The following CENPW variants were observed in gnomAD, a reference collection of about 807,000 sequenced individuals.
The protein encoded by CENPW is cancer-up-regulated gene 2 protein.
Under a neutral mutation model 11.1 loss-of-function variants are expected in CENPW, and 3 were observed. The observed-to-expected ratio is 0.27, with a 90% confidence interval of 0.12 to 0.70. The LOEUF (loss-of-function observed/expected upper bound fraction) is 0.70, where lower values mean the gene tolerates loss of function less well. Among genes scored for constraint, CENPW ranks in the 30% least tolerant of loss-of-function variants. The pLI, the probability that CENPW is intolerant of heterozygous loss-of-function variation, is 0.77. For missense variants in CENPW, 100 were observed against 105.6 expected (o/e 0.95, Z 0.23); for synonymous variants, 38 against 42.0 (o/e 0.91, Z 0.37).
the CENPW span, among the ~76,000 whole-genome samples, chr6:126,475,864 T>C: frequency 6.6e-6 from 1 of 152,078 alleles, no homozygotes; most frequent in Non-Finnish European, 1.5e-5. Context: ...GGCATCTTTA[T>C]ACATGGAATG....
chr6:126,370,461 G>A, the CENPW span, among the ~76,000 whole-genome samples: 1 of 152,076 alleles, frequency 6.6e-6, no homozygotes, highest in African/African-American at 2.4e-5. Context: ...AGTTTTCCTT[G>A]TAGAGGTCTT....
the CENPW span, among the ~76,000 whole-genome samples, chr6:126,415,866 G>A: frequency 6.6e-6 from 1 of 152,176 alleles, no homozygotes; most frequent in Admixed American, 6.5e-5. Context: ...TCCCAGTTAT[G>A]TCTTTATTGG....
the CENPW span, among the ~76,000 whole-genome samples, chr6:126,395,149 G>C: frequency 6.6e-6 from 1 of 151,952 alleles, no homozygotes; most frequent in Non-Finnish European, 1.5e-5. Flanking sequence ...CACTCTTTAA[G>C]GGAAATAACT....
chr6:126,469,030 G>A, the CENPW span, among the ~76,000 whole-genome samples: 1 of 152,098 alleles, frequency 6.6e-6, no homozygotes, highest in Non-Finnish European at 1.5e-5. Flanking sequence ...CTGACCTCAA[G>A]TGATCCACCC....
chr6:126,342,460 C>T (rs994214736), intron 1 of CENPW, among the ~76,000 whole-genome samples: 2 of 152,058 alleles, frequency 1.3e-5, no homozygotes, highest in African/African-American at 4.8e-5. Context: ...GCTGATGTTT[C>T]CTAGTGTGGT....
the CENPW span, among the ~76,000 whole-genome samples, chr6:126,414,547 A>G: frequency 1.3e-5 from 2 of 152,142 alleles, no homozygotes; most frequent in African/African-American, 4.8e-5. Flanking sequence ...GCTCCTGAAC[A>G]ACCAATGAGT....
the CENPW span, among the ~76,000 whole-genome samples, chr6:126,470,640 A>T: frequency 1.3e-5 from 2 of 152,224 alleles, no homozygotes; most frequent in Non-Finnish European, 2.9e-5. Flanking sequence ...CATGTGGAAA[A>T]GCTGCAGACA....
chr6:126,456,751 C>T, the CENPW span, among the ~76,000 whole-genome samples: 2 of 151,672 alleles, frequency 1.3e-5, no homozygotes, highest in Non-Finnish European at 3.0e-5. Context: ...AAACTATCAA[C>T]AGAGTAAACA....
At chr6:126,437,477 G>A in the CENPW span, among the ~76,000 whole-genome samples, 5 of 151,994 alleles carry the variant, frequency 3.3e-5, no homozygotes, top group South Asian at 2.1e-4. Context: ...TCCTTGGTTG[G>A]TGGAAAGACT....
the CENPW span, among the ~76,000 whole-genome samples, chr6:126,395,078 T>C: frequency 6.6e-6 from 1 of 152,138 alleles, no homozygotes; most frequent in Non-Finnish European, 1.5e-5. Context: ...CTGATATCTT[T>C]CTCTAGGTTT....
At chr6:126,407,845 G>A in the CENPW span, among the ~76,000 whole-genome samples, 1 of 152,162 alleles carries the variant, frequency 6.6e-6, no homozygotes, top group African/African-American at 2.4e-5. Flanking sequence ...TTTGTCAGAT[G>A]AATAGATTGT....
chr6:126,478,199 T>G, the CENPW span, among the ~76,000 whole-genome samples: 1 of 152,022 alleles, frequency 6.6e-6, no homozygotes, highest in East Asian at 1.9e-4. Context: ...CTTAATTGAC[T>G]TTGGGAGTTG....
chr6:126,459,660 A>G, the CENPW span, among the ~76,000 whole-genome samples: 1 of 151,598 alleles, frequency 6.6e-6, no homozygotes, highest in Admixed American at 6.6e-5. Flanking sequence ...ATTAGCTTGC[A>G]ACATTCCATA....
chr6:126,481,755 C>T, the CENPW span, among the ~76,000 whole-genome samples: 1 of 152,064 alleles, frequency 6.6e-6, no homozygotes, highest in Admixed American at 6.6e-5. Context: ...GCCAGTTTTC[C>T]AAGTGAATGT....
chr6:126,438,437 A>G, the CENPW span, among the ~76,000 whole-genome samples: 3 of 151,858 alleles, frequency 2.0e-5, no homozygotes, highest in Admixed American at 6.6e-5. Context: ...AAAGAAATCT[A>G]TTTTTTGATA....
the CENPW span, among the ~76,000 whole-genome samples, chr6:126,441,801 G>A: frequency 6.6e-6 from 1 of 151,594 alleles, no homozygotes; most frequent in Non-Finnish European, 1.5e-5. Flanking sequence ...TTTCAGGGCT[G>A]AGTAGTATTC....
chr6:126,402,580 T>C, the CENPW span, among the ~76,000 whole-genome samples: 1 of 148,884 alleles, frequency 6.7e-6, no homozygotes, highest in Non-Finnish European at 1.5e-5. Flanking sequence ...TGGATTTGCC[T>C]ATCCTAGACA....
the CENPW span, among the ~76,000 whole-genome samples, chr6:126,439,877 C>G: frequency 1.3e-5 from 2 of 151,668 alleles, no homozygotes; most frequent in Admixed American, 1.3e-4. Flanking sequence ...TCATCCATAA[C>G]TTCAAGTAAT....
chr6:126,377,685 G>A, the CENPW span, among the ~76,000 whole-genome samples: 3 of 152,074 alleles, frequency 2.0e-5, no homozygotes, highest in Admixed American at 2.0e-4. Flanking sequence ...GACTTGTTTT[G>A]CATAAGTAAA....
Sources: allele counts gnomAD v4.1 joint callset (sites outside exome capture counted in the v4.1 genomes callset), GRCh38; gene constraint gnomAD v4.1.1; transcripts MANE v1.5; gene names NCBI Gene and HGNC (gene_info 2026-07-23, HGNC 2026-07-21).